The following GLIS3 variants were observed in gnomAD, a reference collection of about 807,000 sequenced individuals.
GLIS3 encodes the protein zinc finger protein GLIS3.
In GLIS3, 53 loss-of-function variants were observed where a neutral mutation model predicts 78.6. The observed-to-expected ratio is 0.67, with a 90% CI of 0.54 to 0.85. The LOEUF is 0.85. GLIS3 is among the 40% of genes least tolerant of loss of function. The pLI, the probability that GLIS3 is intolerant of heterozygous loss-of-function variation, is 0.00. For synonymous variants in GLIS3, 684 were observed against 509.9 expected (o/e 1.34, Z -4.60); for missense variants, 1,703 against 1,231.1 (o/e 1.38, Z -5.74).
At chr9:4,443,847 G>A in the GLIS3 span, among the ~76,000 whole-genome samples, 1 of 152,052 alleles carries the variant, frequency 6.6e-6, no homozygotes, top group Non-Finnish European at 1.5e-5. Context: ...TAGCGGGCCT[G>A]GTGTCAAAAA....
At chr9:4,453,906 T>C in the GLIS3 span, among the ~76,000 whole-genome samples, 1 of 151,642 alleles carries the variant, frequency 6.6e-6, no homozygotes, top group African/African-American at 2.4e-5. Context: ...AAATGACGAG[T>C]TGATGGGTGC....
the GLIS3 span, among the ~76,000 whole-genome samples, chr9:4,411,178 G>C: frequency 6.6e-6 from 1 of 152,190 alleles, no homozygotes; most frequent in African/African-American, 2.4e-5. Flanking sequence ...TTTTACATGT[G>C]TGATGTGATA....
At chr9:4,269,906 A>C (rs1826352099) in intron 2 of GLIS3, among the ~76,000 whole-genome samples, 1 of 152,132 alleles carries the variant, frequency 6.6e-6, no homozygotes, top group South Asian at 2.1e-4. Context: ...AAGCCCAAAC[A>C]GAGTACCTAT....
chr9:4,171,889 G>A (rs1312109372), intron 2 of GLIS3, among the ~76,000 whole-genome samples: 1 of 152,094 alleles, frequency 6.6e-6, no homozygotes, highest in African/African-American at 2.4e-5. Flanking sequence ...CATTTAAAAA[G>A]TCATTTAAAG....
chr9:4,010,848 T>TATGG (rs1399754650), intron 4 of GLIS3, among the ~76,000 whole-genome samples: 1 of 152,330 alleles, frequency 6.6e-6, no homozygotes, highest in East Asian at 1.9e-4. Flanking sequence ...TATGAACCCA[T>TATGG]GAACCTGATG....
intron 4 of GLIS3, among the ~76,000 whole-genome samples, chr9:4,092,169 T>TG (rs537243585): frequency 3.8e-5 from 4 of 104,170 alleles, no homozygotes; most frequent in African/African-American, 1.1e-4. Context: ...TTTTTTTTTT[T>TG]GAGACAGAGT....
At chr9:4,195,385 A>G (rs1818726842) in intron 2 of GLIS3, among the ~76,000 whole-genome samples, 1 of 152,076 alleles carries the variant, frequency 6.6e-6, no homozygotes, top group South Asian at 2.1e-4. Context: ...CCGGCCCCAC[A>G]CTCGGAGAGG....
At chr9:4,075,946 G>C (rs948695787) in intron 4 of GLIS3, among the ~76,000 whole-genome samples, 5 of 152,134 alleles carry the variant, frequency 3.3e-5, no homozygotes, top group African/African-American at 1.2e-4. Flanking sequence ...TGGCTCCTTA[G>C]GCCCAGAGCC....
intron 2 of GLIS3, among the ~76,000 whole-genome samples, chr9:4,257,007 T>C (rs536746971): frequency 4.6e-5 from 7 of 152,302 alleles, no homozygotes; most frequent in Admixed American, 3.9e-4. Flanking sequence ...TTAACACATA[T>C]ATAGTACATA....
At chr9:4,223,931 C>G (rs1392441258) in intron 2 of GLIS3, among the ~76,000 whole-genome samples, 1 of 149,778 alleles carries the variant, frequency 6.7e-6, no homozygotes, top group Non-Finnish European at 1.5e-5. Flanking sequence ...GAAAACAAAA[C>G]AAACAAATAA....
At chr9:3,926,693 G>A (rs941887520) in intron 6 of GLIS3, among the ~76,000 whole-genome samples, 1 of 150,980 alleles carries the variant, frequency 6.6e-6, no homozygotes, top group African/African-American at 2.4e-5. Flanking sequence ...TTACAGTTCA[G>A]CTCACCACAA....
intron 4 of GLIS3, among the ~76,000 whole-genome samples, chr9:3,945,656 G>A (rs540524136): frequency 3.5e-4 from 54 of 152,170 alleles, no homozygotes; most frequent in African/African-American, 1.2e-3. Context: ...TCATTCTTTC[G>A]ATTTTAGGCA....
the GLIS3 span, among the ~76,000 whole-genome samples, chr9:4,489,774 A>C: frequency 6.6e-6 from 1 of 152,190 alleles, no homozygotes; most frequent in East Asian, 1.9e-4. Context: ...GTCACAGAGC[A>C]AGTCCCAAGG....
chr9:4,054,342 T>G, intron 4 of GLIS3: 3 of 985,368 alleles, frequency 3.0e-6, no homozygotes. Flanking sequence ...ACCTCCACCT[T>G]TCCAAGCTCT....
At chr9:3,853,126 A>AC (rs759839797) in intron 9 of GLIS3, among the ~76,000 whole-genome samples, 8 of 152,104 alleles carry the variant, frequency 5.3e-5, no homozygotes, top group Non-Finnish European at 1.2e-4. Flanking sequence ...ATAAGACTGA[A>AC]CCCAGGAATT....
intron 2 of GLIS3, among the ~76,000 whole-genome samples, chr9:4,218,099 C>G (rs962193647): frequency 1.3e-5 from 2 of 152,226 alleles, no homozygotes; most frequent in Non-Finnish European, 2.9e-5. Flanking sequence ...CCTCCACAAT[C>G]TTATCCATCT....
intron 2 of GLIS3, among the ~76,000 whole-genome samples, chr9:4,256,332 T>C (rs915907062): frequency 2.6e-5 from 4 of 152,222 alleles, no homozygotes; most frequent in African/African-American, 7.2e-5. Flanking sequence ...GAAAGGTTAA[T>C]GTTTTAATAT....
intron 4 of GLIS3, among the ~76,000 whole-genome samples, chr9:4,043,240 G>C (rs112157440): frequency 0.031 from 4,775 of 152,112 alleles, 200 homozygotes; most frequent in African/African-American, 0.097. Context: ...CTTTGGCAAG[G>C]GGCCAGAGGT....
At chr9:4,099,940 T>C (rs1397433596) in intron 4 of GLIS3, among the ~76,000 whole-genome samples, 7 of 152,232 alleles carry the variant, frequency 4.6e-5, no homozygotes. Context: ...ATCTCTTCAC[T>C]TGGGCAATTC....
Sources: gnomAD v4.1 joint callset for allele counts (sites outside exome capture counted in the v4.1 genomes callset) on GRCh38, gnomAD v4.1.1 for gene constraint, MANE v1.5 for transcripts, NCBI Gene and HGNC (gene_info 2026-07-23, HGNC 2026-07-21) for gene names.